ITPR1: variants seen among roughly 807,000 people sequenced by gnomAD.
ITPR1 encodes the protein inositol 1,4,5-trisphosphate receptor type 1.
Under a neutral mutation model 318.4 loss-of-function variants are expected in ITPR1, and 96 were observed. The observed-to-expected ratio is 0.30, with a 90% CI of 0.26 to 0.36. ITPR1 has a LOEUF of 0.36. Ranked by LOEUF, ITPR1 falls within the 10% of genes least tolerant of loss-of-function variation. The probability of loss-of-function intolerance (pLI) is 1.00; values close to 1 mark genes in which losing one functional copy is unlikely to be tolerated. For missense variants in ITPR1, 2,440 were observed against 3,460.2 expected, an observed-to-expected ratio of 0.71 and a Z score of 7.40; for synonymous variants, 1,312 against 1,289.9, an observed-to-expected ratio of 1.02 and a Z score of -0.37.
At chr3:4,733,943 G>C (rs2043104229) in intron 43 of ITPR1, among the ~76,000 whole-genome samples, 1 of 152,266 alleles carries the variant, frequency 6.6e-6, no homozygotes, top group South Asian at 2.1e-4. Flanking sequence ...TCAAAGCACA[G>C]ATGTGAGTTG....
intron 61 of ITPR1, among the ~76,000 whole-genome samples, chr3:4,840,735 T>C (rs1395938557): frequency 1.3e-5 from 2 of 152,212 alleles, no homozygotes; most frequent in Non-Finnish European, 2.9e-5. Context: ...CATCTTGAAG[T>C]TTCCCCTCCC....
At chr3:4,823,242 T>C (rs1385708201) in intron 60 of ITPR1, among the ~76,000 whole-genome samples, 1 of 152,176 alleles carries the variant, frequency 6.6e-6, no homozygotes, top group Non-Finnish European at 1.5e-5. Flanking sequence ...AAATATTTGA[T>C]TCCCAGCAAA....
chr3:4,810,547 G>A (rs904470803), intron 55 of ITPR1, among the ~76,000 whole-genome samples: 4 of 152,310 alleles, frequency 2.6e-5, no homozygotes, highest in African/African-American at 7.2e-5. Flanking sequence ...ATGTCCCTGC[G>A]ATACACCAGC....
chr3:4,678,466 C>T (rs2094228860), intron 24 of ITPR1, among the ~76,000 whole-genome samples: 1 of 152,234 alleles, frequency 6.6e-6, no homozygotes, highest in East Asian at 1.9e-4. Flanking sequence ...AAGGATTGGT[C>T]GATTGAGTCA....
chr3:4,543,355 G>T (rs1186872519), intron 4 of ITPR1, among the ~76,000 whole-genome samples: 1 of 152,146 alleles, frequency 6.6e-6, no homozygotes, highest in Admixed American at 6.5e-5. Context: ...GGGTCAATCT[G>T]CTTAGGCTGG....
chr3:4,796,710 C>T (rs983953096), intron 53 of ITPR1, among the ~76,000 whole-genome samples: 3 of 152,186 alleles, frequency 2.0e-5, no homozygotes, highest in Admixed American at 6.5e-5. Context: ...AAGCCTCCTG[C>T]AGTGCCTTTC....
At position 4,811,370 on chromosome 3, in the gene ITPR1, G is replaced by A. The variant is rs940526920; in HGVS notation, c.7378G>A (p.Val2460Ile). 3.7e-6 allele frequency: 6 copies of A among 1,613,880 alleles called. No homozygotes were observed. Among genetic ancestry groups the A allele is most frequent in the Non-Finnish European group, 5.1e-6 (6 of 1,179,818 alleles). Reference sequence around the variant, plus strand: ...GACAGCAGTTCTGGCTCTGATCCTCGTTTACCTGTTCTCAATAGTGGGCTA... The same window carrying A: ...GACAGCAGTTCTGGCTCTGATCCTCATTTACCTGTTCTCAATAGTGGGCTA... ...ILTAVLALIL[V>I]YLFSIVGYLF... Residue 2460 changes from valine to isoleucine, a missense_variant, in exon 56 of 62, where the codon GTT (valine) becomes ATT (isoleucine). By Grantham distance (29) the Val-to-Ile change is conservative (BLOSUM62 3). This residue lies in a region of ITPR1 where 10 missense variants were observed against 47.2 expected (regional missense o/e 0.21). Coordinates refer to ENST00000649015, the MANE Select transcript of ITPR1 (RefSeq NM_001378452.1).
chr3:4,720,995 C>T (rs1266557187), intron 40 of ITPR1, among the ~76,000 whole-genome samples: 1 of 151,684 alleles, frequency 6.6e-6, no homozygotes, highest in East Asian at 1.9e-4. Context: ...GATGTGTGAC[C>T]TTCAGCAGTA....
chr3:4,570,899 T>A (rs2087903499), intron 4 of ITPR1, among the ~76,000 whole-genome samples: 1 of 152,232 alleles, frequency 6.6e-6, no homozygotes, highest in African/African-American at 2.4e-5. Context: ...AGTGCTTTTT[T>A]GTACATGTGT....
chr3:4,603,452 C>T (rs997890868), intron 4 of ITPR1, among the ~76,000 whole-genome samples: 1 of 151,944 alleles, frequency 6.6e-6, no homozygotes, highest in African/African-American at 2.4e-5. Flanking sequence ...GTTTTTGAGA[C>T]AGAGTCTCCT....
At chr3:4,766,842 G>A in intron 45 of ITPR1, 132 bp downstream of exon 45, 1 of 663,434 alleles carries the variant, frequency 1.5e-6, no homozygotes, top group Non-Finnish European at 2.4e-6. Context: ...ATGCCAGCCT[G>A]GTTATGATGT....
chr3:4,705,449 G>C (rs1425058254), intron 36 of ITPR1, among the ~76,000 whole-genome samples: 1 of 152,170 alleles, frequency 6.6e-6, no homozygotes, highest in Non-Finnish European at 1.5e-5. Flanking sequence ...GCTGTCCCTT[G>C]TCATGCCCTT....
intron 4 of ITPR1, among the ~76,000 whole-genome samples, chr3:4,625,523 C>G (rs1450576572): frequency 6.6e-6 from 1 of 152,058 alleles, no homozygotes; most frequent in African/African-American, 2.4e-5. Context: ...TGTCATTTTT[C>G]TGAATATCAG....
chr3:4,820,591 G>A (rs1232194116), intron 60 of ITPR1, among the ~76,000 whole-genome samples: 1 of 152,208 alleles, frequency 6.6e-6, no homozygotes, highest in Non-Finnish European at 1.5e-5. Context: ...TGGGTGTTTG[G>A]TGTGCTTTCT....
intron 49 of ITPR1, among the ~76,000 whole-genome samples, chr3:4,781,616 C>T (rs545343376): frequency 6.6e-6 from 1 of 152,322 alleles, no homozygotes; most frequent in Non-Finnish European, 1.5e-5. Flanking sequence ...GCCAAGTTCA[C>T]ATCCCAGCTC....
intron 4 of ITPR1, among the ~76,000 whole-genome samples, chr3:4,545,100 G>A (rs569183068): frequency 1.8e-4 from 27 of 152,212 alleles, no homozygotes; most frequent in Admixed American, 2.0e-4. Context: ...TCAGCCTGGA[G>A]CTTCTCATGA....
chr3:4,753,195 G>A (rs2044679614), intron 44 of ITPR1, among the ~76,000 whole-genome samples: 1 of 152,112 alleles, frequency 6.6e-6, no homozygotes, highest in Admixed American at 6.5e-5. Context: ...GGTCGGTCAG[G>A]GGCAGAGCTG....
chr3:4,706,551 G>A (rs1386063175), intron 37 of ITPR1, among the ~76,000 whole-genome samples, 200 bp downstream of exon 37: 4 of 152,146 alleles, frequency 2.6e-5, no homozygotes, highest in Non-Finnish European at 5.9e-5. Flanking sequence ...GAAAAGTGAT[G>A]GTCTTTAAAG....
At chr3:4,633,361 C>A (rs1346980602) in intron 5 of ITPR1, among the ~76,000 whole-genome samples, 1 of 152,216 alleles carries the variant, frequency 6.6e-6, no homozygotes. Context: ...TTCCCACCAG[C>A]CAATACGATG....
Sources: allele counts gnomAD v4.1 joint callset (sites outside exome capture counted in the v4.1 genomes callset), GRCh38; gene constraint gnomAD v4.1.1; regional missense constraint gnomAD v4.1.1; transcripts MANE v1.5; gene names NCBI Gene and HGNC (gene_info 2026-07-23, HGNC 2026-07-21).